The following CELF2 variants were observed in gnomAD, a reference collection of about 807,000 sequenced individuals.
CELF2 encodes the protein CUGBP Elav-like family member 2.
CELF2 carries 8 observed loss-of-function variants against 62.6 expected under a neutral mutation model. The ratio of observed to expected loss-of-function variants is 0.13; its 90% CI spans 0.07 to 0.23. The LOEUF (loss-of-function observed/expected upper bound fraction) is 0.23. CELF2 is among the 10% of genes least tolerant of loss of function. The pLI, the probability that CELF2 is intolerant of heterozygous loss-of-function variation, is 1.00. For missense variants in CELF2, 333 were observed against 671.0 expected (o/e 0.50, Z 5.56); for synonymous variants, 258 against 250.0 (o/e 1.03, Z -0.30).
chr10:10,756,208 C>A, the CELF2 span, among the ~76,000 whole-genome samples: 1 of 152,274 alleles, frequency 6.6e-6, no homozygotes, highest in South Asian at 2.1e-4. Flanking sequence ...ATATATTTTC[C>A]TTTGGCAGAT....
At chr10:11,003,911 T>A (rs770963648), upstream of CELF2, among the ~76,000 whole-genome samples, 1 of 152,200 alleles carries the variant, frequency 6.6e-6, no homozygotes, top group Non-Finnish European at 1.5e-5. The surrounding 1 kb of genome is among the most constrained non-coding windows in gnomAD (Gnocchi z 4.4). Flanking sequence ...GTCAAGTGAC[T>A]CATCACGCCT....
chr10:10,775,069 G>C, the CELF2 span, among the ~76,000 whole-genome samples: 1 of 151,674 alleles, frequency 6.6e-6, no homozygotes, highest in Admixed American at 6.6e-5. Context: ...GTAGAGACAG[G>C]TTTCACCATG....
intron 1 of CELF2, among the ~76,000 whole-genome samples, chr10:10,873,271 G>GT (rs1208737411): frequency 6.6e-6 from 1 of 151,948 alleles, no homozygotes; most frequent in Admixed American, 6.6e-5. Context: ...CAAAATCAAT[G>GT]TTTTTTAATT....
chr10:10,618,595 G>T, the CELF2 span, among the ~76,000 whole-genome samples: 1 of 152,030 alleles, frequency 6.6e-6, no homozygotes, highest in Non-Finnish European at 1.5e-5. Flanking sequence ...CCTCTCATTC[G>T]TCTCTTGTTC....
intron 1 of CELF2, among the ~76,000 whole-genome samples, chr10:11,126,982 C>T (rs76249046): frequency 3.3e-5 from 5 of 151,402 alleles, no homozygotes; most frequent in African/African-American, 9.7e-5. Flanking sequence ...GTGCCATGTT[C>T]GTTTGCTGCA....
the CELF2 span, among the ~76,000 whole-genome samples, chr10:10,541,280 G>T: frequency 6.7e-6 from 1 of 150,172 alleles, no homozygotes; most frequent in African/African-American, 2.4e-5. Flanking sequence ...ACATATAAAG[G>T]CTCTCTGGAA....
chr10:11,135,804 A>T (rs560346828), intron 1 of CELF2, among the ~76,000 whole-genome samples: 215 of 152,294 alleles, frequency 1.4e-3, no homozygotes, highest in Non-Finnish European at 1.9e-3. Context: ...TAGGGCTAGC[A>T]CTTGTCAAGG....
intron 1 of CELF2, among the ~76,000 whole-genome samples, chr10:10,883,078 G>A (rs920888150): frequency 2.0e-5 from 3 of 151,988 alleles, no homozygotes; most frequent in African/African-American, 7.2e-5. Flanking sequence ...TACTTTCATT[G>A]TTATTGTATT....
At chr10:11,073,683 C>G (rs913679044) in intron 1 of CELF2, among the ~76,000 whole-genome samples, 2 of 152,162 alleles carry the variant, frequency 1.3e-5, no homozygotes, top group Non-Finnish European at 2.9e-5. Context: ...ATCAGAATGG[C>G]CTTGGGCCTC....
the CELF2 span, among the ~76,000 whole-genome samples, chr10:10,474,624 T>C: frequency 6.6e-6 from 1 of 152,040 alleles, no homozygotes; most frequent in Non-Finnish European, 1.5e-5. Flanking sequence ...ATTGGAAAAA[T>C]GATTCCTAAC....
chr10:11,049,791 G>A (rs886819143), intron 1 of CELF2, among the ~76,000 whole-genome samples: 33 of 152,038 alleles, frequency 2.2e-4, no homozygotes, highest in African/African-American at 3.1e-4. Context: ...GTTGTGGGGC[G>A]GGGAGTGCTA....
the CELF2 span, among the ~76,000 whole-genome samples, chr10:10,759,729 A>G: frequency 2.0e-5 from 3 of 152,174 alleles, no homozygotes; most frequent in African/African-American, 7.2e-5. Context: ...TAGCAGTTTT[A>G]TAAGTCTGAA....
At chr10:10,538,122 C>A in the CELF2 span, among the ~76,000 whole-genome samples, 5 of 152,170 alleles carry the variant, frequency 3.3e-5, no homozygotes, top group African/African-American at 1.2e-4. Flanking sequence ...GTCACCAGAG[C>A]ATCCTGAGAG....
the CELF2 span, among the ~76,000 whole-genome samples, chr10:10,647,990 T>C: frequency 6.6e-6 from 1 of 152,228 alleles, no homozygotes; most frequent in South Asian, 2.1e-4. Flanking sequence ...GAATTAGTGA[T>C]AGAGTTAGGA....
intron 1 of CELF2, among the ~76,000 whole-genome samples, chr10:10,883,845 G>A (rs1169046719): frequency 6.6e-6 from 1 of 152,052 alleles, no homozygotes; most frequent in Non-Finnish European, 1.5e-5. Context: ...TTGAACAGAT[G>A]ATGAGGGCTA....
chr10:11,038,213 A>C (rs1263043576), intron 1 of CELF2, among the ~76,000 whole-genome samples: 12 of 152,204 alleles, frequency 7.9e-5, no homozygotes, highest in Non-Finnish European at 1.8e-4. Flanking sequence ...GTCAGCGTTC[A>C]GGGGGTGAAC....
intron 1 of CELF2, among the ~76,000 whole-genome samples, chr10:11,136,196 TTA>T (rs1428682904): frequency 6.6e-6 from 1 of 152,190 alleles, no homozygotes; most frequent in African/African-American, 2.4e-5. Flanking sequence ...TAGCAAATAT[TTA>T]TTCAGTTCTC....
intron 9 of CELF2, among the ~76,000 whole-genome samples, chr10:11,294,363 A>G (rs998883217): frequency 1.3e-5 from 2 of 152,158 alleles, no homozygotes; most frequent in Non-Finnish European, 2.9e-5. Flanking sequence ...TTTGCTTTTT[A>G]GAGTATTTTT....
the CELF2 span, among the ~76,000 whole-genome samples, chr10:10,554,171 A>G: frequency 1.3e-5 from 2 of 152,118 alleles, no homozygotes; most frequent in Non-Finnish European, 2.9e-5. Flanking sequence ...GGATTCAGCA[A>G]TAGGTTAGAT....
Sources: gnomAD v4.1 joint callset for allele counts (sites outside exome capture counted in the v4.1 genomes callset) on GRCh38, gnomAD v4.1.1 for gene constraint, Gnocchi (gnomAD v3.1) non-coding constraint, MANE v1.5 for transcripts, NCBI Gene and HGNC (gene_info 2026-07-23, HGNC 2026-07-21) for gene names.